UBE2L3: variants seen among roughly 807,000 people sequenced by gnomAD.
UBE2L3 encodes the protein ubiquitin-conjugating enzyme E2 L3.
In UBE2L3, 1 loss-of-function variant was observed where a neutral mutation model predicts 17.8. The observed-to-expected ratio is 0.06, with a 90% CI of 0.02 to 0.27. The LOEUF (loss-of-function observed/expected upper bound fraction) is 0.27, where lower values mean the gene tolerates loss of function less well. UBE2L3 is among the 10% of genes least tolerant of loss of function. UBE2L3 has a pLI of 1.00. For missense variants in UBE2L3, 40 were observed against 192.6 expected, an observed-to-expected ratio of 0.21 and a Z score of 4.69; for synonymous variants, 44 against 68.5, an observed-to-expected ratio of 0.64 and a Z score of 1.76.
At chr22:21,612,842 G>A (rs1280002275) in intron 3 of UBE2L3, among the ~76,000 whole-genome samples, 1 of 150,646 alleles carries the variant, frequency 6.6e-6, no homozygotes, top group African/African-American at 2.4e-5. Context: ...TCACCACGTT[G>A]ACCAGGCTGG....
At chr22:21,607,367 T>C (rs1170467304) in intron 2 of UBE2L3, among the ~76,000 whole-genome samples, 2 of 150,358 alleles carry the variant, frequency 1.3e-5, no homozygotes, top group African/African-American at 4.9e-5. Context: ...AAAAAAAAAT[T>C]AGTCGGGCAG....
intron 1 of UBE2L3, among the ~76,000 whole-genome samples, chr22:21,557,375 A>G (rs567197568): frequency 6.6e-6 from 1 of 152,362 alleles, no homozygotes; most frequent in South Asian, 2.1e-4. Context: ...TCAAACAACC[A>G]AAAAAACGAA....
Position 21,575,352 on chromosome 22 carries a change from A to G in UBE2L3, c.27+7581A>G, listed in dbSNP as rs1464397492. 2.1e-4 allele frequency among the ~76,000 whole-genome samples: 32 copies of G among 149,874 alleles called. 2 individuals are homozygous for G. The highest frequency in any genetic ancestry group is 2.1e-3 in the Admixed American group (32 of 15,028). On this transcript the variant is annotated intron_variant, in intron 1 of 3. Transcript: ENST00000342192. ...CCGAATCCCAGCACTTTGAGAGGTC[A>G]AGGCGGGTGGATCACTTGAGGAGAC...
At chr22:21,555,810 T>C (rs1490368862) in intron 1 of UBE2L3, among the ~76,000 whole-genome samples, 3 of 151,988 alleles carry the variant, frequency 2.0e-5, no homozygotes, top group Non-Finnish European at 4.4e-5. Context: ...CACACGCCTG[T>C]AATCCCAGCT....
At chr22:21,607,078 G>A (rs374129231) in intron 2 of UBE2L3, among the ~76,000 whole-genome samples, 7 of 152,280 alleles carry the variant, frequency 4.6e-5, no homozygotes. Context: ...CCCCTCCCAG[G>A]GCAGGGCTTG....
chr22:21,564,889 C>T (rs1404988559), upstream of UBE2L3, among the ~76,000 whole-genome samples: 4 of 152,160 alleles, frequency 2.6e-5, no homozygotes, highest in Non-Finnish European at 5.9e-5. Context: ...TAAGTCCCAC[C>T]ATGACCCTAG....
At chr22:21,620,537 C>T (rs1929993696) in intron 3 of UBE2L3, among the ~76,000 whole-genome samples, 1 of 152,132 alleles carries the variant, frequency 6.6e-6, no homozygotes, top group African/African-American at 2.4e-5. Context: ...CAGGGGGCAA[C>T]TGTGGCAAAG....
intron 1 of UBE2L3, among the ~76,000 whole-genome samples, chr22:21,575,335 C>T (rs952253368): frequency 6.7e-6 from 1 of 148,914 alleles, no homozygotes. Flanking sequence ...ATCCGAATCC[C>T]AGCACTTTGA....
At chr22:21,567,868 G>C (rs1926720408) in intron 1 of UBE2L3, 97 bp downstream of exon 1, 7 of 1,547,270 alleles carry the variant, frequency 4.5e-6, no homozygotes, top group Middle Eastern at 1.9e-4. Flanking sequence ...CTGCCGTCTG[G>C]CTTCCTGCCC....
intron 3 of UBE2L3, among the ~76,000 whole-genome samples, chr22:21,615,154 TCAAAA>T (rs1007992730): frequency 2.4e-4 from 37 of 151,104 alleles, no homozygotes; most frequent in African/African-American, 8.3e-4. Flanking sequence ...AAACTCCGTC[TCAAAA>T]CAAAACAAAA....
intron 1 of UBE2L3, among the ~76,000 whole-genome samples, chr22:21,571,793 T>G (rs1302856367): frequency 6.6e-6 from 1 of 152,204 alleles, no homozygotes; most frequent in African/African-American, 2.4e-5. Flanking sequence ...TAAAAGTTCA[T>G]TCCTTGGGTT....
At chr22:21,572,422 CAAAAAA>C (rs140497) in intron 1 of UBE2L3, among the ~76,000 whole-genome samples, 140 of 104,768 alleles carry the variant, frequency 1.3e-3, no homozygotes, top group Non-Finnish European at 2.0e-3. Flanking sequence ...GACTCCGTCT[CAAAAAA>C]AAAAAAAAAA....
At chr22:21,586,709 A>G (rs897294300) in intron 1 of UBE2L3, among the ~76,000 whole-genome samples, 1 of 151,850 alleles carries the variant, frequency 6.6e-6, no homozygotes, top group African/African-American at 2.4e-5. Context: ...CTGGGAATAC[A>G]GGAGTCAACC....
At chr22:21,576,709 C>T (rs762930731) in intron 1 of UBE2L3, among the ~76,000 whole-genome samples, 2 of 151,898 alleles carry the variant, frequency 1.3e-5, no homozygotes, top group Non-Finnish European at 2.9e-5. Flanking sequence ...TCTAGGATTA[C>T]AGATGTGAGC....
At chr22:21,567,151 C>G (rs1001591877), upstream of UBE2L3, among the ~76,000 whole-genome samples, 2 of 151,986 alleles carry the variant, frequency 1.3e-5, no homozygotes, top group East Asian at 1.9e-4. Context: ...TGTGAAGTAA[C>G]CTTGGTTATT....
In UBE2L3 at chr22:21,602,660, C is replaced by T. The variant is rs542171376; in HGVS notation, c.124-8197C>T. The stretch of plus-strand genomic sequence containing the variant: ...GGTGCCATATGGCAAAGAGCTTCCT[C>T]TTAGTCTTAGCTGCCACAAAATGGC... On this transcript the variant is annotated intron_variant, in intron 2 of 3. Transcript: ENST00000342192. Among the ~76,000 whole-genome samples, 3 of 152,340 alleles carry T rather than the reference C, an allele frequency of 2.0e-5. No homozygotes were observed. In the South Asian group the frequency reaches 6.2e-4, roughly 32 times the overall value.
chr22:21,580,788 T>A (rs967756172), intron 1 of UBE2L3, among the ~76,000 whole-genome samples: 2 of 152,104 alleles, frequency 1.3e-5, no homozygotes, highest in Non-Finnish European at 2.9e-5. Context: ...TTTCACCATG[T>A]TGGCCAGGCT....
chr22:21,603,139 T>C (rs912904848), intron 2 of UBE2L3, among the ~76,000 whole-genome samples: 1 of 152,202 alleles, frequency 6.6e-6, no homozygotes, highest in Non-Finnish European at 1.5e-5. Flanking sequence ...TTTACATGCA[T>C]GCATTATAAT....
intron 1 of UBE2L3, among the ~76,000 whole-genome samples, chr22:21,569,481 T>C (rs894140129): frequency 1.1e-4 from 17 of 151,570 alleles, no homozygotes; most frequent in African/African-American, 4.1e-4. Flanking sequence ...TATCCTCATC[T>C]CTCAGGTGCC....
Sources: gnomAD v4.1 joint callset for allele counts (sites outside exome capture counted in the v4.1 genomes callset) on GRCh38, gnomAD v4.1.1 for gene constraint, MANE v1.5 for transcripts, NCBI Gene and HGNC (gene_info 2026-07-23, HGNC 2026-07-21) for gene names.